SRGAP3: variants seen among roughly 807,000 people sequenced by gnomAD.
The protein encoded by SRGAP3 is SLIT-ROBO Rho GTPase activating protein 3, also known as SLIT-ROBO Rho GTPase-activating protein 3.
SRGAP3 carries 39 observed loss-of-function variants against 121.1 expected under a neutral mutation model. The ratio of observed to expected loss-of-function variants is 0.32; its 90% CI spans 0.25 to 0.42. SRGAP3 has a LOEUF of 0.42. Ranked by LOEUF, SRGAP3 falls within the 10% of genes least tolerant of loss-of-function variation. The pLI is 1.00. For synonymous variants in SRGAP3, 601 were observed against 570.0 expected, an observed-to-expected ratio of 1.05 and a Z score of -0.77; for missense variants, 1,213 against 1,470.6, an observed-to-expected ratio of 0.82 and a Z score of 2.86.
intron 1 of SRGAP3, among the ~76,000 whole-genome samples, chr3:9,142,023 C>G (rs894059998): frequency 6.6e-6 from 1 of 152,128 alleles, no homozygotes; most frequent in Non-Finnish European, 1.5e-5. Context: ...ATGCACATAC[C>G]CTCGATCCAG....
chr3:9,360,506 C>T (rs1007140762), intron 1 of SRGAP3, among the ~76,000 whole-genome samples: 4 of 152,104 alleles, frequency 2.6e-5, no homozygotes, highest in East Asian at 1.9e-4. Flanking sequence ...TTCCAATGGA[C>T]GTGTATTAGT....
intron 2 of SRGAP3, among the ~76,000 whole-genome samples, chr3:9,111,841 C>T (rs952858732): frequency 1.3e-5 from 2 of 152,206 alleles, no homozygotes; most frequent in African/African-American, 4.8e-5. Flanking sequence ...TCCGCTTCTC[C>T]AATCTTTCAT....
intron 4 of SRGAP3, among the ~76,000 whole-genome samples, chr3:9,070,596 T>G (rs1203849981): frequency 6.6e-6 from 1 of 151,976 alleles, no homozygotes; most frequent in East Asian, 1.9e-4. Context: ...GATGGATGGA[T>G]GGACAGATGA....
intron 1 of SRGAP3, among the ~76,000 whole-genome samples, chr3:9,159,127 C>T (rs1180511881): frequency 6.6e-6 from 1 of 152,180 alleles, no homozygotes; most frequent in Non-Finnish European, 1.5e-5. Context: ...GGCCATCACT[C>T]TCTTTGCCTG....
intron 1 of SRGAP3, among the ~76,000 whole-genome samples, chr3:9,181,880 A>G (rs577396069): frequency 6.6e-6 from 1 of 152,334 alleles, no homozygotes; most frequent in African/African-American, 2.4e-5. Context: ...AATTTTAAAA[A>G]GGGTCTTACA....
chr3:9,305,964 A>C (rs1404082438), intron 3 of SRGAP3, among the ~76,000 whole-genome samples: 1 of 152,256 alleles, frequency 6.6e-6, no homozygotes, highest in East Asian at 1.9e-4. Context: ...TTCCAGTTCT[A>C]GATCCTTGAG....
chr3:9,211,356 C>G (rs1034299934), intron 1 of SRGAP3, among the ~76,000 whole-genome samples: 2 of 152,180 alleles, frequency 1.3e-5, no homozygotes, highest in Non-Finnish European at 2.9e-5. Context: ...TGAAAACCAC[C>G]AAGTTCTGTC....
chr3:9,297,840 G>A (rs765823426), intron 3 of SRGAP3, among the ~76,000 whole-genome samples: 33 of 151,766 alleles, frequency 2.2e-4, no homozygotes, highest in Middle Eastern at 3.2e-3. Flanking sequence ...AGGTTGCAGT[G>A]AGCCAAGATG....
chr3:9,039,831 T>G (rs776123677), intron 10 of SRGAP3, among the ~76,000 whole-genome samples: 3 of 152,224 alleles, frequency 2.0e-5, no homozygotes, highest in Non-Finnish European at 4.4e-5. Flanking sequence ...TTCATATGAC[T>G]TGGTAATATT....
rs1949154577 is a variant in SRGAP3 at position 9,124,752 on chromosome 3, A to G, written c.233T>C (p.Ile78Thr). ...EKLAERFSSKIRSSREHQFKK... is the reference protein window; with the variant it reads ...EKLAERFSSKTRSSREHQFKK... Reference sequence around the variant, plus strand: ...GAACTGGTGCTCCCGGGAGCTGCGGATTTTGGAGGAGAAGCGCTCAGCCAG... The same window carrying G: ...GAACTGGTGCTCCCGGGAGCTGCGGGTTTTGGAGGAGAAGCGCTCAGCCAG... The change falls in exon 2 of 22, where the codon ATC (isoleucine) becomes ACC (threonine). Residue 78 changes from isoleucine to threonine, a missense_variant. Ile to Thr is a moderately conservative substitution (Grantham distance 89). Around this residue, in one of 2 missense-constraint regions of SRGAP3, gnomAD observed 793 missense variants for 1,032.9 expected, o/e 0.77. Transcript: ENST00000383836. 6.2e-7 allele frequency: 1 copy of G among 1,613,900 alleles called. No individual in the cohort carries two copies. The highest frequency in any genetic ancestry group is 1.7e-5 in the Admixed American group (1 of 60,004).
chr3:9,246,772 A>T (rs2175538), intron 1 of SRGAP3, among the ~76,000 whole-genome samples: 4,089 of 152,214 alleles, frequency 0.027, 77 homozygotes, highest in East Asian at 0.044. Context: ...TCCTGACCTG[A>T]CCTTGTGGGT....
intron 3 of SRGAP3, among the ~76,000 whole-genome samples, chr3:9,101,169 TC>T (rs1948201374): frequency 6.6e-6 from 1 of 152,196 alleles, no homozygotes; most frequent in Non-Finnish European, 1.5e-5. Flanking sequence ...TAAGGAGCGT[TC>T]TTTATTGAGG....
chr3:9,244,142 C>G (rs1343684231), intron 1 of SRGAP3, among the ~76,000 whole-genome samples: 1 of 152,206 alleles, frequency 6.6e-6, no homozygotes, highest in Non-Finnish European at 1.5e-5. Flanking sequence ...GATATACGCT[C>G]TAAGATTCAG....
At chr3:9,149,077 G>C (rs1257472090) in intron 1 of SRGAP3, among the ~76,000 whole-genome samples, 2 of 152,022 alleles carry the variant, frequency 1.3e-5, no homozygotes, top group Non-Finnish European at 2.9e-5. Flanking sequence ...AGCCGAGCGT[G>C]GTGGCAGGCG....
At chr3:9,339,300 T>C (rs1955743208) in intron 1 of SRGAP3, among the ~76,000 whole-genome samples, 1 of 152,234 alleles carries the variant, frequency 6.6e-6, no homozygotes, top group South Asian at 2.1e-4. Flanking sequence ...TACCAAGTCT[T>C]GAGCACTCTC....
intron 1 of SRGAP3, among the ~76,000 whole-genome samples, chr3:9,227,010 G>C (rs1026414999): frequency 5.3e-5 from 8 of 152,130 alleles, no homozygotes; most frequent in African/African-American, 1.9e-4. Flanking sequence ...CTGCCCACAG[G>C]AGCCAAGCAG....
intron 1 of SRGAP3, chr3:9,235,495 T>TTCTTTG (rs1288372960): frequency 3.4e-5 from 5 of 145,128 alleles, no homozygotes; most frequent in Non-Finnish European, 3.0e-5. Flanking sequence ...GCTATTTTTT[T>TTCTTTG]TCTTTTTCTT....
chr3:9,111,808 G>A (rs1948634012), intron 2 of SRGAP3, among the ~76,000 whole-genome samples: 1 of 152,192 alleles, frequency 6.6e-6, no homozygotes, highest in South Asian at 2.1e-4. Context: ...AGTGCCCTCG[G>A]CCAAGGCACT....
intron 10 of SRGAP3, among the ~76,000 whole-genome samples, chr3:9,047,013 T>C (rs2664100): frequency 0.77 from 116,592 of 151,586 alleles, 45,455 homozygotes; most frequent in African/African-American, 0.89. Context: ...TGTATTTTTT[T>C]AGTAGAGACG....
Sources: gnomAD v4.1 joint callset for allele counts (sites outside exome capture counted in the v4.1 genomes callset) on GRCh38, gnomAD v4.1.1 for gene constraint, gnomAD v4.1.1 regional missense constraint, MANE v1.5 for transcripts, NCBI Gene and HGNC (gene_info 2026-07-23, HGNC 2026-07-21) for gene names.